DLGAP2: variants seen among roughly 807,000 people sequenced by gnomAD.
DLGAP2 encodes disks large-associated protein 2.
A neutral mutation model predicts 100.3 loss-of-function variants in DLGAP2; 26 were observed. The ratio of observed to expected loss-of-function variants is 0.26; its 90% confidence interval spans 0.19 to 0.36. The LOEUF is 0.36. Ranked by LOEUF, DLGAP2 falls within the 10% of genes least tolerant of loss-of-function variation. DLGAP2 has a pLI of 1.00. For synonymous variants in DLGAP2, 886 were observed against 630.1 expected, an observed-to-expected ratio of 1.41 and a Z score of -6.08; for missense variants, 1,858 against 1,453.2, an observed-to-expected ratio of 1.28 and a Z score of -4.53.
At chr8:1,168,005 A>G (rs1481793468) in intron 2 of DLGAP2, among the ~76,000 whole-genome samples, 1 of 148,226 alleles carries the variant, frequency 6.7e-6, no homozygotes. Context: ...AGCATTAGGT[A>G]TATCTCCCAT....
chr8:771,938 CTG>C (rs1821373720), intron 1 of DLGAP2, among the ~76,000 whole-genome samples: 1 of 152,180 alleles, frequency 6.6e-6, no homozygotes, highest in Non-Finnish European at 1.5e-5. Context: ...GGTTCTCTCT[CTG>C]TCTCCAGGCT....
At chr8:1,588,256 A>C (rs1469304322) in intron 6 of DLGAP2, among the ~76,000 whole-genome samples, 1 of 152,194 alleles carries the variant, frequency 6.6e-6, no homozygotes. Flanking sequence ...TCTAATGGCT[A>C]TTGAAGGTGC....
chr8:1,332,009 C>T (rs190789408), intron 3 of DLGAP2, among the ~76,000 whole-genome samples: 23 of 152,322 alleles, frequency 1.5e-4, no homozygotes, highest in East Asian at 5.8e-4. Context: ...TGGCAGCACA[C>T]GGCAGCGCCT....
intron 3 of DLGAP2, among the ~76,000 whole-genome samples, chr8:1,390,608 G>A (rs1052416834): frequency 3.3e-5 from 5 of 152,086 alleles, no homozygotes; most frequent in Admixed American, 6.6e-5. Context: ...CCTGCTTGAG[G>A]ACTGGACTTC....
intron 2 of DLGAP2, among the ~76,000 whole-genome samples, chr8:1,037,526 C>T (rs978764346): frequency 1.1e-4 from 17 of 152,210 alleles, no homozygotes; most frequent in Non-Finnish European, 2.1e-4. Flanking sequence ...AGCACGTGGA[C>T]GTGTCAGCTG....
chr8:776,088 T>C (rs1044340090), intron 1 of DLGAP2, among the ~76,000 whole-genome samples: 3 of 152,090 alleles, frequency 2.0e-5, no homozygotes, highest in African/African-American at 7.2e-5. Flanking sequence ...GGAGAGTGTA[T>C]GTGTTGAGGA....
At chr8:1,422,424 G>C (rs942545390) in intron 3 of DLGAP2, among the ~76,000 whole-genome samples, 4 of 152,184 alleles carry the variant, frequency 2.6e-5, no homozygotes, top group Non-Finnish European at 4.4e-5. Flanking sequence ...GAAAAGCGAA[G>C]ATGGCCGTGA....
intron 3 of DLGAP2, among the ~76,000 whole-genome samples, chr8:1,424,448 G>T (rs756050624): frequency 6.6e-6 from 1 of 152,196 alleles, no homozygotes; most frequent in Non-Finnish European, 1.5e-5. Flanking sequence ...AAATGAAAAT[G>T]TTCAATTGTG....
intron 2 of DLGAP2, among the ~76,000 whole-genome samples, chr8:1,013,598 C>T (rs139864560): frequency 0.01 from 1,478 of 145,618 alleles, 48 homozygotes; most frequent in African/African-American, 0.036. Flanking sequence ...GGACAGACGG[C>T]GCCTCCACTG....
intron 3 of DLGAP2, among the ~76,000 whole-genome samples, chr8:1,443,814 A>G (rs1430573200): frequency 1.3e-5 from 2 of 152,174 alleles, no homozygotes; most frequent in Non-Finnish European, 2.9e-5. Flanking sequence ...GATTATTACA[A>G]TTCAAGATGA....
chr8:1,128,481 T>C (rs563640801), intron 2 of DLGAP2, among the ~76,000 whole-genome samples: 1 of 152,388 alleles, frequency 6.6e-6, no homozygotes, highest in East Asian at 1.9e-4. Flanking sequence ...CTCGCCACTG[T>C]GTTCCAGCTG....
intron 3 of DLGAP2, among the ~76,000 whole-genome samples, chr8:1,377,237 G>T (rs1397542135): frequency 3.3e-5 from 5 of 152,234 alleles, no homozygotes; most frequent in Non-Finnish European, 7.3e-5. Context: ...CCAGCCAGGA[G>T]GGGGCTGCTT....
At chr8:1,689,619 C>G (rs1487053330) in intron 12 of DLGAP2, among the ~76,000 whole-genome samples, 1 of 151,632 alleles carries the variant, frequency 6.6e-6, no homozygotes, top group Non-Finnish European at 1.5e-5. Flanking sequence ...GATTTGTGCT[C>G]TGCAGAGACT....
intron 1 of DLGAP2, among the ~76,000 whole-genome samples, chr8:780,543 C>G (rs567056873): frequency 6.6e-6 from 1 of 152,270 alleles, no homozygotes; most frequent in Admixed American, 6.5e-5. Context: ...CAGGGAGGCT[C>G]TGCACAGTTT....
chr8:771,084 G>C (rs1232663023), intron 1 of DLGAP2, among the ~76,000 whole-genome samples: 1 of 152,104 alleles, frequency 6.6e-6, no homozygotes, highest in Non-Finnish European at 1.5e-5. Context: ...GTTGTGACAG[G>C]TCCCTTGGTC....
chr8:868,731 C>T (rs1184618136), intron 1 of DLGAP2, among the ~76,000 whole-genome samples: 1 of 152,180 alleles, frequency 6.6e-6, no homozygotes, highest in East Asian at 1.9e-4. Context: ...CTGTCTGTCA[C>T]CTTGGAGTCC....
chr8:1,334,815 A>G (rs1189755037), intron 3 of DLGAP2, among the ~76,000 whole-genome samples: 1 of 151,508 alleles, frequency 6.6e-6, no homozygotes, highest in Non-Finnish European at 1.5e-5. Flanking sequence ...ACACGCTGTA[A>G]AGGAAGAGAC....
chr8:748,322 A>T (rs537667810), intron 1 of DLGAP2, among the ~76,000 whole-genome samples: 5 of 151,198 alleles, frequency 3.3e-5, no homozygotes, highest in Non-Finnish European at 7.4e-5. Flanking sequence ...CCGTGGTGGG[A>T]TGGGCAGGCT....
chr8:1,548,826 G>T lies in DLGAP2; in HGVS notation c.373G>T (p.Ala125Ser), dbSNP rs946633525. 6 of 1,578,542 alleles carry T rather than the reference G, an allele frequency of 3.8e-6. No individual in the cohort carries two copies. In the East Asian group the frequency reaches 1.1e-4, roughly 30 times the overall value. Residue 125 changes from alanine (A) to serine (S), a missense_variant, in exon 5 of 15, where the codon GCC (alanine) becomes TCC (serine). By Grantham distance (99) the Ala-to-Ser change is moderately conservative (BLOSUM62 1). Coordinates refer to ENST00000637795, the MANE Select transcript of DLGAP2 (RefSeq NM_001346810.2). ...DARPPYLLSP[A>S]DSCPGGRHRC... ...GCGGCCGCCCTACCTGCTGAGCCCC[G>T]CCGACAGCTGCCCCGGGGGGCGCCA...
Sources: allele counts gnomAD v4.1 joint callset (sites outside exome capture counted in the v4.1 genomes callset), GRCh38; gene constraint gnomAD v4.1.1; transcripts MANE v1.5; gene names NCBI Gene and HGNC (gene_info 2026-07-23, HGNC 2026-07-21).